The following OTULIN variants were observed in gnomAD, a reference collection of about 807,000 sequenced individuals.
OTULIN encodes the protein ubiquitin thioesterase otulin.
A neutral mutation model predicts 39.6 loss-of-function variants in OTULIN; 15 were observed. That is an observed-to-expected ratio of 0.38 (90% CI 0.25 to 0.58). The LOEUF is 0.58. Ranked by LOEUF, OTULIN falls within the 20% of genes least tolerant of loss-of-function variation. The pLI, the probability that OTULIN is intolerant of heterozygous loss-of-function variation, is 0.66. For synonymous variants in OTULIN, 156 were observed against 170.3 expected (o/e 0.92, Z 0.65); for missense variants, 319 against 445.9 (o/e 0.72, Z 2.56).
chr5:14,691,379 C>T (rs763907665), intron 6 of OTULIN, among the ~76,000 whole-genome samples: 6 of 152,088 alleles, frequency 3.9e-5, no homozygotes, highest in Admixed American at 6.6e-5. Context: ...TTGCCAAGTG[C>T]GTAGGAAGGA....
chr5:14,668,428 C>T (rs878959897), intron 1 of OTULIN, among the ~76,000 whole-genome samples: 5 of 152,168 alleles, frequency 3.3e-5, no homozygotes, highest in South Asian at 2.1e-4. Context: ...GCCTGGGTGC[C>T]GGTACTTTCC....
chr5:14,665,223 C>T (rs1735803502), intron 1 of OTULIN, among the ~76,000 whole-genome samples: 1 of 152,356 alleles, frequency 6.6e-6, no homozygotes, highest in Admixed American at 6.5e-5. Flanking sequence ...TTGATATCTG[C>T]ATGTCTGAAG....
At chr5:14,682,732 T>A (rs1047609067) in intron 4 of OTULIN, among the ~76,000 whole-genome samples, 1 of 152,204 alleles carries the variant, frequency 6.6e-6, no homozygotes, top group Non-Finnish European at 1.5e-5. Flanking sequence ...TTATTTTTAT[T>A]TTTATTTTTT....
At chr5:14,689,301 C>G (rs933138353) in intron 5 of OTULIN, among the ~76,000 whole-genome samples, 7 of 152,222 alleles carry the variant, frequency 4.6e-5, no homozygotes, top group Non-Finnish European at 1.0e-4. Flanking sequence ...CCATTGAATT[C>G]ACTCTTGTAT....
intron 3 of OTULIN, 66 bp downstream of exon 3, chr5:14,678,841 C>T (rs1388142732): frequency 1.9e-6 from 2 of 1,062,638 alleles, no homozygotes; most frequent in Non-Finnish European, 2.7e-6. Flanking sequence ...TTTAATATGT[C>T]ATTTGATATT....
At chr5:14,713,065 C>T in the OTULIN span, 3 of 1,265,874 alleles carry the variant, frequency 2.4e-6, no homozygotes, top group African/African-American at 1.5e-5. The surrounding 1 kb of genome is among the most constrained non-coding windows in gnomAD (Gnocchi z 4.4). Flanking sequence ...AGTGTAGCCT[C>T]GAGACGGCTG....
At chr5:14,715,107 C>T in the OTULIN span, among the ~76,000 whole-genome samples, 1 of 152,352 alleles carries the variant, frequency 6.6e-6, no homozygotes, top group South Asian at 2.1e-4. Flanking sequence ...CAGCCCTGGC[C>T]TACCTGGGGC....
At chr5:14,679,924 C>G (rs1400602828) in intron 3 of OTULIN, among the ~76,000 whole-genome samples, 2 of 72,546 alleles carry the variant, frequency 2.8e-5, no homozygotes, top group African/African-American at 6.3e-5. Flanking sequence ...TGGTCACTTG[C>G]AGATTTTCCA....
Position 14,698,738 on chromosome 5 carries a change from C to T in OTULIN, c.*5690C>T, listed in dbSNP as rs1158423271. On this transcript the variant is annotated 3_prime_UTR_variant, in exon 7 of 7. Transcript: ENST00000284274. ...GATGTCCACATGGCTGACTCTTGAC[C>T]CCTGGCCATTGTGAGCAGAGGAATC... is the stretch of plus-strand genomic sequence containing the variant. The T allele has an allele frequency of 6.6e-6, 1 of 152,244 alleles. No individual in the cohort carries two copies. 9.4% of individuals were successfully genotyped at this position (152,244 alleles called of 1,614,324 possible). A position where few individuals can be genotyped will look rare whatever the true frequency, so the allele number is the denominator to read the frequency against.
chr5:14,702,569 G>C (rs916468735), downstream of OTULIN, among the ~76,000 whole-genome samples: 1 of 152,178 alleles, frequency 6.6e-6, no homozygotes, highest in East Asian at 1.9e-4. Flanking sequence ...ACCGGGCGAG[G>C]TTAGGACGTG....
At chr5:14,715,539 A>G in the OTULIN span, among the ~76,000 whole-genome samples, 4 of 152,346 alleles carry the variant, frequency 2.6e-5, no homozygotes, top group African/African-American at 9.6e-5. Flanking sequence ...CACACCTGGT[A>G]CAGAATTTAA....
Position 14,686,195 on chromosome 5 carries a change from G to A in OTULIN, c.469-1326G>A, listed in dbSNP as rs1476904458. ...CCACCAGAATTACTATTTATGAAAG[G>A]GTCTTTTAGTCTTACATTCCAGTTG... On this transcript the variant is annotated intron_variant, in intron 4 of 6. Transcript: ENST00000284274. Among the ~76,000 whole-genome samples, 4 of 152,142 alleles carry A rather than the reference G, an allele frequency of 2.6e-5. No homozygotes were observed. The South Asian group carries it at 6.2e-4, about 24-fold the overall frequency.
At chr5:14,691,287 A>T (rs540913162) in intron 6 of OTULIN, among the ~76,000 whole-genome samples, 1 of 152,242 alleles carries the variant, frequency 6.6e-6, no homozygotes, top group African/African-American at 2.4e-5. Flanking sequence ...CCCAAGTGCC[A>T]TGACAGATAC....
At chr5:14,711,398 T>TG in the OTULIN span, 1 of 1,153,280 alleles carries the variant, frequency 8.7e-7, no homozygotes, top group Non-Finnish European at 1.3e-6. Flanking sequence ...ACCGGGGTCT[T>TG]GGGGGACCCC....
At chr5:14,681,169 T>TG (rs775236817) in intron 3 of OTULIN, among the ~76,000 whole-genome samples, 1 of 152,126 alleles carries the variant, frequency 6.6e-6, no homozygotes, top group Non-Finnish European at 1.5e-5. Flanking sequence ...TTTGGAAACT[T>TG]GGGGTTTTTC....
chr5:14,667,080 T>C (rs1029327939), intron 1 of OTULIN, among the ~76,000 whole-genome samples: 1 of 152,212 alleles, frequency 6.6e-6, no homozygotes, highest in Non-Finnish European at 1.5e-5. Flanking sequence ...TTTAAAATGT[T>C]TACACTTAGA....
intron 4 of OTULIN, among the ~76,000 whole-genome samples, chr5:14,683,464 A>G (rs1050251223): frequency 2.0e-5 from 3 of 152,232 alleles, no homozygotes; most frequent in Non-Finnish European, 2.9e-5. Flanking sequence ...AAGCATTCCT[A>G]TGGTTGGATA....
the OTULIN span, chr5:14,710,204 T>G: frequency 2.6e-5 from 4 of 152,308 alleles, no homozygotes; most frequent in East Asian, 5.8e-4. Flanking sequence ...AGGTAATATA[T>G]CTACTTCAAA....
At chr5:14,716,079 A>G in the OTULIN span, among the ~76,000 whole-genome samples, 1 of 152,244 alleles carries the variant, frequency 6.6e-6, no homozygotes, top group Non-Finnish European at 1.5e-5. Flanking sequence ...GAATTTCAGT[A>G]CATGAACACA....
Sources: allele counts gnomAD v4.1 joint callset (sites outside exome capture counted in the v4.1 genomes callset), GRCh38; gene constraint gnomAD v4.1.1; non-coding constraint Gnocchi (gnomAD v3.1); transcripts MANE v1.5; gene names NCBI Gene and HGNC (gene_info 2026-07-23, HGNC 2026-07-21).